The following CEP126 variants were observed in gnomAD, a reference collection of about 807,000 sequenced individuals.
CEP126 encodes centrosomal protein of 126 kDa.
A neutral mutation model predicts 107.8 loss-of-function variants in CEP126; 74 were observed. The observed-to-expected ratio is 0.69, with a 90% CI of 0.57 to 0.83. The LOEUF (loss-of-function observed/expected upper bound fraction) is 0.83, where lower values mean the gene tolerates loss of function less well. Among genes scored for constraint, CEP126 ranks in the 40% least tolerant of loss-of-function variants. CEP126 has a pLI of 0.00. For synonymous variants in CEP126, 449 were observed against 446.0 expected (o/e 1.01, Z -0.08); for missense variants, 1,237 against 1,281.9 (o/e 0.96, Z 0.53).
chr11:101,918,920 C>T, intron 1 of CEP126, among the ~76,000 whole-genome samples: 1 of 152,160 alleles, frequency 6.6e-6, no homozygotes, highest in East Asian at 1.9e-4. Flanking sequence ...TGGTATGATA[C>T]ATCACGGGTT....
At chr11:101,981,594 A>G (rs1343752919) in intron 7 of CEP126, among the ~76,000 whole-genome samples, 1 of 152,102 alleles carries the variant, frequency 6.6e-6, no homozygotes, top group Non-Finnish European at 1.5e-5. Flanking sequence ...TGTCAGCCTA[A>G]TTAGCACTTT....
chr11:101,953,279 G>T (rs554054281), intron 4 of CEP126, among the ~76,000 whole-genome samples: 3 of 152,264 alleles, frequency 2.0e-5, no homozygotes, highest in African/African-American at 7.2e-5. Flanking sequence ...TACCAATGAA[G>T]GGCCATTTTT....
chr11:101,980,889 G>A (rs917575755), intron 7 of CEP126, among the ~76,000 whole-genome samples: 1 of 152,340 alleles, frequency 6.6e-6, no homozygotes, highest in Admixed American at 6.5e-5. Flanking sequence ...TACTGAAGGA[G>A]AGCTGTTGCA....
chr11:101,932,516 T>TTG (rs1940516077), intron 2 of CEP126, among the ~76,000 whole-genome samples: 2 of 152,182 alleles, frequency 1.3e-5, no homozygotes, highest in Admixed American at 1.3e-4. Flanking sequence ...ATACCACCTC[T>TTG]TAGCTTTGGA....
intron 4 of CEP126, 110 bp from the exon 5 acceptor site, chr11:101,958,058 G>T (rs188537381): frequency 2.5e-4 from 216 of 867,034 alleles, no homozygotes; most frequent in Middle Eastern, 7.3e-4. Context: ...CTTATATGTG[G>T]TTATCTGGAC....
intron 8 of CEP126, among the ~76,000 whole-genome samples, chr11:101,984,318 T>C (rs1266603505): frequency 1.3e-5 from 2 of 152,202 alleles, no homozygotes; most frequent in African/African-American, 4.8e-5. Context: ...CCTGCAACTA[T>C]GTTCAGTGAT....
intron 2 of CEP126, among the ~76,000 whole-genome samples, chr11:101,929,315 T>C (rs1403863883): frequency 6.6e-6 from 1 of 152,206 alleles, no homozygotes; most frequent in Non-Finnish European, 1.5e-5. Context: ...TCATACTCTA[T>C]TATGAGATTC....
rs1940707166 is a variant in CEP126 at position 101,944,315 on chromosome 11, G to A, written c.299G>A (p.Arg100Lys). 6.2e-7 allele frequency: 1 copy of A among 1,610,478 alleles called. No individual in the cohort carries two copies. Among genetic ancestry groups the A allele is most frequent in the Non-Finnish European group, 8.5e-7 (1 of 1,178,780 alleles). The change falls in exon 3 of 11, where the codon AGA (arginine) becomes AAA (lysine). Residue 100 changes from arginine to lysine, a missense_variant. Around this residue, in one of 3 missense-constraint regions of CEP126, gnomAD observed 1,134 missense variants for 1,150.5 expected, o/e 0.99. Coordinates refer to ENST00000263468, the MANE Select transcript of CEP126 (RefSeq NM_020802.4). ...CAGGAAGAAAAAGAACACCAAATTAGAGAACAAATACTTCAACAAAGAAAA... is the reference window on the plus strand; with the variant it reads ...CAGGAAGAAAAAGAACACCAAATTAAAGAACAAATACTTCAACAAAGAAAA... ...KEQEEKEHQI[R>K]EQILQQRKQK... is the part of the protein sequence containing the mutation.
intron 2 of CEP126, among the ~76,000 whole-genome samples, chr11:101,932,959 A>G (rs903915060): frequency 6.6e-6 from 1 of 152,194 alleles, no homozygotes; most frequent in Middle Eastern, 3.2e-3. Context: ...AAGTGCTCTG[A>G]TTATATTTGA....
At chr11:101,967,860 GAGA>G (rs1361026669) in intron 6 of CEP126, among the ~76,000 whole-genome samples, 5 of 152,178 alleles carry the variant, frequency 3.3e-5, no homozygotes, top group African/African-American at 1.2e-4. Context: ...CCTCTGGGGA[GAGA>G]AGAAGGTGAA....
intron 6 of CEP126, among the ~76,000 whole-genome samples, chr11:101,971,537 G>T (rs751011561): frequency 2.6e-5 from 4 of 151,910 alleles, no homozygotes; most frequent in Non-Finnish European, 4.4e-5. Flanking sequence ...GGTTTGGGCG[G>T]GGGGAGGTGT....
chr11:101,927,278 G>A (rs1940427304), intron 2 of CEP126, among the ~76,000 whole-genome samples: 1 of 152,066 alleles, frequency 6.6e-6, no homozygotes. Flanking sequence ...CTCCAGCCTG[G>A]GTGACAGAGC....
chr11:101,972,752 G>A (rs184735175), intron 6 of CEP126, among the ~76,000 whole-genome samples: 13 of 152,154 alleles, frequency 8.5e-5, no homozygotes, highest in Admixed American at 5.2e-4. Flanking sequence ...AGTGAGCCGA[G>A]ATTGCGCCAT....
At chr11:101,915,504 G>A (rs930555935) in intron 1 of CEP126, 92 bp downstream of exon 1, 2 of 1,487,438 alleles carry the variant, frequency 1.3e-6, no homozygotes, top group Non-Finnish European at 1.8e-6. Context: ...TTGACGCAGG[G>A]TGATCAAAAC....
Position 101,998,167 on chromosome 11 carries a change from G to C in CEP126, c.*524G>C, listed in dbSNP as rs150453314. On this transcript the variant is annotated 3_prime_UTR_variant, in exon 11 of 11. Transcript: ENST00000263468. ...CCTTGGTGGCAGCAATAGAGCAAAGGTTACCTTTTTGTATGGTGAAGGGAG... is the reference window on the plus strand; with the variant it reads ...CCTTGGTGGCAGCAATAGAGCAAAGCTTACCTTTTTGTATGGTGAAGGGAG... 82 of 152,620 alleles carry C rather than the reference G, an allele frequency of 5.4e-4. 1 individual carries two copies. Among genetic ancestry groups the C allele is most frequent in the Middle Eastern group, 3.4e-3 (1 of 294 alleles). 9.5% of individuals were successfully genotyped at this position (152,620 alleles called of 1,614,324 possible).
intron 1 of CEP126, among the ~76,000 whole-genome samples, chr11:101,921,472 C>A: frequency 6.6e-6 from 1 of 151,802 alleles, no homozygotes; most frequent in East Asian, 1.9e-4. Flanking sequence ...TATGGGAGGC[C>A]GAGGCAGGTG....
intron 2 of CEP126, among the ~76,000 whole-genome samples, chr11:101,929,927 G>T (rs78033590): frequency 1.3e-5 from 2 of 148,988 alleles, no homozygotes; most frequent in Admixed American, 1.3e-4. Flanking sequence ...TAGCTAAGCT[G>T]ATCTTTTCCT....
intron 9 of CEP126, among the ~76,000 whole-genome samples, chr11:101,991,845 A>G (rs1012628275): frequency 6.6e-6 from 1 of 152,250 alleles, no homozygotes; most frequent in African/African-American, 2.4e-5. Context: ...TAAAGACAGT[A>G]CAATTCTATT....
intron 6 of CEP126, among the ~76,000 whole-genome samples, chr11:101,964,741 C>T (rs543841691): frequency 6.6e-6 from 1 of 152,204 alleles, no homozygotes; most frequent in South Asian, 2.1e-4. Context: ...TGCCAGCCTC[C>T]ATTTTTTTCC....
Sources: gnomAD v4.1 joint callset for allele counts (sites outside exome capture counted in the v4.1 genomes callset) on GRCh38, gnomAD v4.1.1 for gene constraint, gnomAD v4.1.1 regional missense constraint, MANE v1.5 for transcripts, NCBI Gene and HGNC (gene_info 2026-07-23, HGNC 2026-07-21) for gene names.